Variants in MFHAS1 observed in about 807,000 individuals in gnomAD.
MFHAS1 encodes the protein malignant fibrous histiocytoma-amplified sequence 1.
Under a neutral mutation model 70.4 loss-of-function variants are expected in MFHAS1, and 50 were observed. That is an observed-to-expected ratio of 0.71 (90% CI 0.57 to 0.90). The LOEUF (loss-of-function observed/expected upper bound fraction) is 0.90. MFHAS1 is among the 40% of genes least tolerant of loss of function. MFHAS1 has a pLI of 0.00. For missense variants in MFHAS1, 1,795 were observed against 1,347.6 expected, an observed-to-expected ratio of 1.33 and a Z score of -5.20; for synonymous variants, 952 against 620.0, an observed-to-expected ratio of 1.54 and a Z score of -7.96.
chr8:8,811,312 A>ATTT (rs72584154), intron 1 of MFHAS1, among the ~76,000 whole-genome samples: 7,665 of 148,176 alleles, frequency 0.052, 247 homozygotes, highest in Non-Finnish European at 0.075. Context: ...CAGAATAAAA[A>ATTT]TTTTTTTTTT....
chr8:8,820,381 C>A (rs1806908654), intron 1 of MFHAS1, among the ~76,000 whole-genome samples: 1 of 152,042 alleles, frequency 6.6e-6, no homozygotes, highest in African/African-American at 2.4e-5. Context: ...GTGTTGATTT[C>A]TTTTCTTCCA....
chr8:8,865,721 G>A (rs546763264), intron 1 of MFHAS1, among the ~76,000 whole-genome samples: 2 of 152,328 alleles, frequency 1.3e-5, no homozygotes, highest in East Asian at 1.9e-4. Flanking sequence ...TCTGAACTGA[G>A]TTGCCACTAT....
intron 1 of MFHAS1, among the ~76,000 whole-genome samples, chr8:8,844,165 T>A (rs1201700060): frequency 6.6e-6 from 1 of 152,166 alleles, no homozygotes; most frequent in African/African-American, 2.4e-5. Flanking sequence ...GTGGGCAGTT[T>A]CTCAGGCTCA....
At chr8:8,869,147 G>A (rs1259601136) in intron 1 of MFHAS1, among the ~76,000 whole-genome samples, 1 of 152,162 alleles carries the variant, frequency 6.6e-6, no homozygotes, top group African/African-American at 2.4e-5. Flanking sequence ...TCATGCAGCT[G>A]TTAATGCCAC....
intron 1 of MFHAS1, among the ~76,000 whole-genome samples, chr8:8,857,207 T>G (rs927896923): frequency 6.6e-6 from 1 of 152,144 alleles, no homozygotes; most frequent in African/African-American, 2.4e-5. Context: ...AGAAAGTTCA[T>G]GAGACATCAA....
rs74999422 is a variant in MFHAS1 at position 8,875,301 on chromosome 8, A to G, written c.2998+14760T>C. ...AAAAAAAACTGGGAACAAGAGCACA[A>G]ATGGTTGGATAAACAAAAAGAACAC... is the stretch of plus-strand genomic sequence containing the variant. On this transcript the variant is annotated intron_variant, in intron 1 of 2. Transcript: ENST00000276282. Among the ~76,000 whole-genome samples the G allele has an allele frequency of 7.0e-3, 1,059 of 152,360 alleles. 17 individuals are homozygous for G. The highest frequency in any genetic ancestry group is 0.025 in the African/African-American group (1,021 of 41,580).
chr8:8,816,944 C>A (rs894965006), intron 1 of MFHAS1, among the ~76,000 whole-genome samples: 7 of 152,182 alleles, frequency 4.6e-5, no homozygotes, highest in African/African-American at 1.7e-4. Flanking sequence ...TCTTCTTCAG[C>A]CTCAGGAAAT....
intron 1 of MFHAS1, among the ~76,000 whole-genome samples, chr8:8,814,129 G>C (rs540052914): frequency 2.0e-4 from 30 of 152,102 alleles, no homozygotes; most frequent in South Asian, 4.2e-4. Context: ...GTAGAGACAG[G>C]GTTTCGCCAT....
At chr8:8,877,039 C>A (rs1809323949) in intron 1 of MFHAS1, among the ~76,000 whole-genome samples, 1 of 152,174 alleles carries the variant, frequency 6.6e-6, no homozygotes, top group Non-Finnish European at 1.5e-5. Context: ...GTGGCACACA[C>A]CTGTAATCCC....
In MFHAS1 at chr8:8,892,498, G is replaced by A. The variant is rs755711080; in HGVS notation, c.561C>T (p.Asp187=). The change falls in exon 1 of 3, where the codon GAC becomes GAT. Residue 187 remains aspartate (D), a synonymous_variant. Coordinates refer to ENST00000276282, the MANE Select transcript of MFHAS1 (RefSeq NM_004225.3). The surrounding 1 kb of genome is among the most constrained non-coding windows in gnomAD (Gnocchi z 4.7). ...AGGCAGTGAGCTGGTTGTGATCCACGTCCAGGGTGCGCAGGCGGGAGAGGC... is the reference window on the plus strand; with the variant it reads ...AGGCAGTGAGCTGGTTGTGATCCACATCCAGGGTGCGCAGGCGGGAGAGGC... ...LSCLSRLRTL[D]VDHNQLTAFP... The A allele has an allele frequency of 6.2e-7, 1 of 1,605,052 alleles. No homozygotes were observed. Among genetic ancestry groups the A allele is most frequent in the Non-Finnish European group, 8.5e-7 (1 of 1,175,824 alleles).
chr8:8,881,847 C>T (rs1020979501), intron 1 of MFHAS1, among the ~76,000 whole-genome samples: 5 of 151,628 alleles, frequency 3.3e-5, no homozygotes, highest in African/African-American at 1.2e-4. Context: ...AAGCAGCAGC[C>T]AGTGAACCAT....
chr8:8,836,889 C>T (rs1009191971), intron 1 of MFHAS1, among the ~76,000 whole-genome samples: 13 of 152,006 alleles, frequency 8.6e-5, no homozygotes, highest in East Asian at 1.9e-4. Flanking sequence ...CTTTTTGTTC[C>T]GCCGCAGTGA....
intron 1 of MFHAS1, among the ~76,000 whole-genome samples, chr8:8,888,900 T>C (rs997942208): frequency 2.2e-4 from 33 of 152,010 alleles, no homozygotes; most frequent in African/African-American, 7.0e-4. Context: ...ACAAATGTAC[T>C]GCTCTGGTGG....
intron 1 of MFHAS1, among the ~76,000 whole-genome samples, chr8:8,879,409 A>AT (rs1179550731): frequency 1.3e-5 from 2 of 152,104 alleles, no homozygotes; most frequent in Non-Finnish European, 2.9e-5. Flanking sequence ...GGAAAGGCTG[A>AT]TTCGTTTGGG....
At chr8:8,843,495 G>A (rs886069183) in intron 1 of MFHAS1, among the ~76,000 whole-genome samples, 2 of 152,210 alleles carry the variant, frequency 1.3e-5, no homozygotes, top group Non-Finnish European at 2.9e-5. Context: ...GCAGGAGGAT[G>A]GATTGAGCCC....
chr8:8,880,684 GT>G lies in MFHAS1; in HGVS notation c.2998+9376del, dbSNP rs869117025. Among the ~76,000 whole-genome samples the G allele has an allele frequency of 3.3e-3, 374 of 114,828 alleles. 1 individual carries two copies. Among genetic ancestry groups the G allele is most frequent in the Non-Finnish European group, 3.8e-3 (229 of 60,464 alleles). 75.3% of individuals were successfully genotyped at this position (114,828 alleles called of 152,430 possible). Reference sequence around the variant, plus strand: ...AGGGCAGGACATCCCTTCCTTTTTTGTTTTTTTTTTTTTTCCCCCAGATGGA... The same window carrying G: ...AGGGCAGGACATCCCTTCCTTTTTTGTTTTTTTTTTTTTCCCCCAGATGGA... On this transcript the variant is annotated intron_variant, in intron 1 of 2. Coordinates refer to ENST00000276282, the MANE Select transcript of MFHAS1 (RefSeq NM_004225.3).
chr8:8,789,759 T>G (rs1390716647), intron 2 of MFHAS1, among the ~76,000 whole-genome samples: 1 of 152,164 alleles, frequency 6.6e-6, no homozygotes, highest in Admixed American at 6.5e-5. Context: ...CAACTAATCC[T>G]GAACCCACAC....
In MFHAS1 at chr8:8,890,118, G is replaced by A. The variant is rs770639597; in HGVS notation, c.2941C>T (p.His981Tyr). ...TTAAGGCACTTAGAACAGAGAATGT[G>A]CACGGTGTAGTGCAGTCCAGGCCAT... ...QEWPGLHYTVHILCSKCLKRG... is the reference protein window; with the variant it reads ...QEWPGLHYTVYILCSKCLKRG... The change falls in exon 1 of 3, where the codon CAC (histidine) becomes TAC (tyrosine). Residue 981 changes from histidine to tyrosine, a missense_variant. Transcript: ENST00000276282. 1 of 1,614,010 alleles carries A rather than the reference G, an allele frequency of 6.2e-7. No individual in the cohort carries two copies. Among genetic ancestry groups the A allele is most frequent in the South Asian group, 1.1e-5 (1 of 91,040 alleles).
At chr8:8,820,575 G>T (rs779722241) in intron 1 of MFHAS1, among the ~76,000 whole-genome samples, 3 of 152,092 alleles carry the variant, frequency 2.0e-5, no homozygotes, top group Non-Finnish European at 4.4e-5. Context: ...CTAATATCAT[G>T]AATTTTTTTT....
Sources: gnomAD v4.1 joint callset for allele counts (sites outside exome capture counted in the v4.1 genomes callset) on GRCh38, gnomAD v4.1.1 for gene constraint, Gnocchi (gnomAD v3.1) non-coding constraint, MANE v1.5 for transcripts, NCBI Gene and HGNC (gene_info 2026-07-23, HGNC 2026-07-21) for gene names.